LONP2: variants seen among roughly 807,000 people sequenced by gnomAD.
LONP2 encodes the protein lon peptidase 2, peroxisomal.
Under a neutral mutation model 85.6 loss-of-function variants are expected in LONP2, and 60 were observed. The observed-to-expected ratio is 0.70, with a 90% CI of 0.57 to 0.87. LONP2 has a LOEUF of 0.87. Among genes scored for constraint, LONP2 ranks in the 40% least tolerant of loss-of-function variants. The pLI, the probability that LONP2 is intolerant of heterozygous loss-of-function variation, is 0.00. For synonymous variants in LONP2, 395 were observed against 389.7 expected, an observed-to-expected ratio of 1.01 and a Z score of -0.16; for missense variants, 860 against 1,063.5, an observed-to-expected ratio of 0.81 and a Z score of 2.66.
chr16:48,311,712 G>C (rs968036020), intron 11 of LONP2, among the ~76,000 whole-genome samples: 33 of 152,140 alleles, frequency 2.2e-4, no homozygotes, highest in African/African-American at 7.7e-4. Flanking sequence ...ATAGCTCATT[G>C]TAAGCCCAAG....
intron 8 of LONP2, among the ~76,000 whole-genome samples, chr16:48,289,734 T>A (rs1229918612): frequency 6.6e-6 from 1 of 152,178 alleles, no homozygotes. Context: ...AGCTATTTTT[T>A]TCTGGTATTT....
chr16:48,314,613 A>G (rs772204965), intron 11 of LONP2, among the ~76,000 whole-genome samples: 12 of 152,200 alleles, frequency 7.9e-5, no homozygotes, highest in East Asian at 1.9e-4. Context: ...CACATAGACC[A>G]ATAGAATAGA....
intron 11 of LONP2, among the ~76,000 whole-genome samples, chr16:48,322,979 T>C (rs1320426163): frequency 6.6e-6 from 1 of 152,202 alleles, no homozygotes; most frequent in Non-Finnish European, 1.5e-5. Flanking sequence ...CTGGGACTTC[T>C]GTCATATATG....
Position 48,294,706 on chromosome 16 carries a change from C to T in LONP2, c.1384-1309C>T, listed in dbSNP as rs1260122682. Among the ~76,000 whole-genome samples the T allele has an allele frequency of 2.0e-5, 3 of 152,146 alleles. No homozygotes were observed. The East Asian group carries it at 5.8e-4, about 29-fold the overall frequency. ...CTGAGACCATGCCACTGCACCTCAA[C>T]CTTGGTGACAAAATGAGACTCTGTC... is the stretch of plus-strand genomic sequence containing the variant. On this transcript the variant is annotated intron_variant, in intron 8 of 14. Transcript: ENST00000285737.
intron 11 of LONP2, among the ~76,000 whole-genome samples, chr16:48,325,770 C>T (rs1453393652): frequency 1.3e-5 from 2 of 152,122 alleles, no homozygotes; most frequent in Non-Finnish European, 2.9e-5. Context: ...GGATAAATGC[C>T]CATTTGTGGG....
At chr16:48,255,030 T>C (rs890061302) in intron 2 of LONP2, among the ~76,000 whole-genome samples, 2 of 152,208 alleles carry the variant, frequency 1.3e-5, no homozygotes, top group African/African-American at 4.8e-5. Flanking sequence ...AAAATTACGA[T>C]GTTGTTGGAG....
intron 11 of LONP2, among the ~76,000 whole-genome samples, chr16:48,304,674 C>G (rs1485708735): frequency 1.3e-5 from 2 of 152,108 alleles, no homozygotes; most frequent in African/African-American, 4.8e-5. Flanking sequence ...CACTGCACTC[C>G]ATCTGGGCAA....
chr16:48,288,189 T>G (rs191537207), intron 8 of LONP2, among the ~76,000 whole-genome samples: 2,792 of 145,578 alleles, frequency 0.019, 36 homozygotes, highest in Non-Finnish European at 0.03. Flanking sequence ...AGTCTTGCCC[T>G]GTCACCCAGG....
rs377073944 is a variant in LONP2, at chr16:48,254,235, A to G, written c.468+1870A>G. 5.9e-5 allele frequency among the ~76,000 whole-genome samples: 9 copies of G among 152,168 alleles called. No individual in the cohort carries two copies. The East Asian group carries it at 1.4e-3, about 23-fold the overall frequency. On this transcript the variant is annotated intron_variant, in intron 2 of 14. Transcript: ENST00000285737. ...TCTTGGGCCTATCTGTCTTGCGTCA[A>G]CTCTAGTTATCACCTCACTGACACC...
At position 48,288,179 on chromosome 16, in the gene LONP2, AGTCTTGCCCT is replaced by A. The variant is rs370972481; in HGVS notation, c.1384-7832_1384-7823del. Among the ~76,000 whole-genome samples the A allele has an allele frequency of 1.1e-3, 133 of 122,582 alleles. No individual in the cohort carries two copies. In the East Asian group the frequency reaches 0.026, roughly 24 times the overall value. The allele number at this position is 122,582 out of a possible 152,430, so 80.4% of individuals were successfully genotyped here. A position where few individuals can be genotyped will look rare whatever the true frequency, so the allele number is the denominator to read the frequency against. The stretch of plus-strand genomic sequence containing the variant: ...TTTTTTTTTTTTTTTTTTGAGACGG[AGTCTTGCCCT>A]GTCACCCAGGCTGGAGTGCAATAGT... On this transcript the variant is annotated intron_variant, in intron 8 of 14. Coordinates refer to ENST00000285737, the MANE Select transcript of LONP2 (RefSeq NM_031490.5).
chr16:48,334,698 C>T, intron 12 of LONP2: 1 of 562,188 alleles, frequency 1.8e-6, no homozygotes, highest in South Asian at 1.5e-5. Context: ...AGTGTGTGGC[C>T]ATCCTTCAGC....
At chr16:48,303,065 A>G in intron 10 of LONP2, 107 bp from the exon 11 acceptor site, 1 of 1,214,070 alleles carries the variant, frequency 8.2e-7, no homozygotes, top group Non-Finnish European at 1.2e-6. Context: ...AGAAAGGGTA[A>G]TGAACTTTTA....
In LONP2 at chr16:48,276,943, A is replaced by G. The variant is rs368950477; in HGVS notation, c.1242-395A>G. 1.1e-4 allele frequency among the ~76,000 whole-genome samples: 16 copies of G among 152,312 alleles called. No homozygotes were observed. In the South Asian group the frequency reaches 3.3e-3, roughly 32 times the overall value. On this transcript the variant is annotated intron_variant, in intron 7 of 14. Coordinates refer to ENST00000285737, the MANE Select transcript of LONP2 (RefSeq NM_031490.5). ...CCCAGGGGCAGCCATTTCAGTGTGC[A>G]TAAAGGTGGTTGCGTTGGGTAGGGG...
chr16:48,316,451 C>T (rs1210181242), intron 11 of LONP2, among the ~76,000 whole-genome samples: 4 of 150,588 alleles, frequency 2.7e-5, no homozygotes, highest in South Asian at 2.1e-4. Flanking sequence ...TTCAGCCTCC[C>T]GAGTAGCTGG....
intron 9 of LONP2, among the ~76,000 whole-genome samples, chr16:48,298,629 GTGTGTGTGTGT>G (rs1567329368): frequency 9.0e-6 from 1 of 111,386 alleles, no homozygotes; most frequent in African/African-American, 4.0e-5. Flanking sequence ...TAATTGAGGT[GTGTGTGTGTGT>G]GTGTGTGTGT....
At chr16:48,303,456 A>G (rs1184932988) in intron 11 of LONP2, 151 bp downstream of exon 11, 7 of 799,178 alleles carry the variant, frequency 8.8e-6, no homozygotes, top group African/African-American at 8.6e-5. Context: ...TAATACCTTA[A>G]TGTTTCAACA....
chr16:48,270,382 G>T, intron 7 of LONP2, 108 bp downstream of exon 7: 1 of 1,183,412 alleles, frequency 8.5e-7, no homozygotes. Flanking sequence ...AAAGGGCTAT[G>T]TGTGGTACCT....
intron 8 of LONP2, among the ~76,000 whole-genome samples, chr16:48,294,039 C>T (rs915348734): frequency 1.1e-4 from 16 of 152,188 alleles, no homozygotes; most frequent in African/African-American, 3.9e-4. Context: ...AAAGTTCAAG[C>T]AATTCTCATG....
At chr16:48,258,762 TTTCAGTTTTG>T in intron 4 of LONP2, 22 bp downstream of exon 4, 1 of 1,577,202 alleles carries the variant, frequency 6.3e-7, no homozygotes, top group Admixed American at 2.0e-5. Context: ...TTTTAACCCA[TTTCAGTTTTG>T]AAAAAAAAAT....
Sources: allele counts gnomAD v4.1 joint callset (sites outside exome capture counted in the v4.1 genomes callset), GRCh38; gene constraint gnomAD v4.1.1; transcripts MANE v1.5; gene names NCBI Gene and HGNC (gene_info 2026-07-23, HGNC 2026-07-21).